MARCHF1: variants seen among roughly 807,000 people sequenced by gnomAD.
MARCHF1 encodes E3 ubiquitin-protein ligase MARCHF1.
A neutral mutation model predicts 54.2 loss-of-function variants in MARCHF1; 40 were observed. The ratio of observed to expected loss-of-function variants is 0.74; its 90% CI spans 0.57 to 0.96. MARCHF1 has a LOEUF of 0.96. MARCHF1 is among the 40% of genes least tolerant of loss of function. MARCHF1 has a pLI of 0.00. For missense variants in MARCHF1, 586 were observed against 656.5 expected (o/e 0.89, Z 1.17); for synonymous variants, 236 against 236.3 (o/e 1.00, Z 0.01).
intron 3 of MARCHF1, among the ~76,000 whole-genome samples, chr4:163,907,332 CT>C (rs1751092665): frequency 6.6e-6 from 1 of 151,848 alleles, no homozygotes; most frequent in Non-Finnish European, 1.5e-5. Context: ...GTAATTTTGT[CT>C]TGTTTGTTTT....
At chr4:163,732,559 C>A (rs865794066) in intron 4 of MARCHF1, among the ~76,000 whole-genome samples, 1 of 152,032 alleles carries the variant, frequency 6.6e-6, no homozygotes, top group South Asian at 2.1e-4. Context: ...TATACCAAGG[C>A]ATATCATAAT....
rs139077814 is a variant in MARCHF1, at chr4:164,060,316, G to A, written c.-248+51272C>T. Among the ~76,000 whole-genome samples the A allele has an allele frequency of 1.3e-3, 196 of 152,054 alleles. 4 individuals are homozygous for A. The East Asian group carries it at 0.023, about 18-fold the overall frequency. On this transcript the variant is annotated intron_variant, in intron 2 of 9. Transcript: ENST00000514618. ...GATTACATGTGTAATTATAATATAC[G>A]TAAGACATATGTACACAAACATGTA...
At chr4:163,960,354 A>G (rs982694830) in intron 3 of MARCHF1, among the ~76,000 whole-genome samples, 2 of 152,170 alleles carry the variant, frequency 1.3e-5, no homozygotes, top group African/African-American at 4.8e-5. Flanking sequence ...ACACATGAAG[A>G]CAAATGTTCA....
At chr4:164,021,850 A>G (rs1753672368) in intron 2 of MARCHF1, among the ~76,000 whole-genome samples, 1 of 107,782 alleles carries the variant, frequency 9.3e-6, no homozygotes, top group Non-Finnish European at 2.4e-5. Flanking sequence ...GTGAACCTCC[A>G]TGTCAAAAAA....
chr4:163,730,119 T>C (rs1384013440), intron 4 of MARCHF1, among the ~76,000 whole-genome samples: 1 of 152,132 alleles, frequency 6.6e-6, no homozygotes, highest in Non-Finnish European at 1.5e-5. Flanking sequence ...ATAATTTACA[T>C]TGTCTTATCT....
At chr4:163,790,459 C>T (rs1431890096) in intron 4 of MARCHF1, among the ~76,000 whole-genome samples, 1 of 152,042 alleles carries the variant, frequency 6.6e-6, no homozygotes, top group African/African-American at 2.4e-5. Flanking sequence ...CATAGGGTCT[C>T]AGAAGGCAGA....
chr4:163,819,183 A>G (rs1288262830), intron 4 of MARCHF1, among the ~76,000 whole-genome samples: 18 of 152,182 alleles, frequency 1.2e-4, no homozygotes, highest in Non-Finnish European at 5.9e-5. Flanking sequence ...ACTCTATACC[A>G]TTTTAAAGAC....
intron 2 of MARCHF1, among the ~76,000 whole-genome samples, chr4:164,099,872 T>C (rs774758748): frequency 5.3e-5 from 8 of 152,154 alleles, no homozygotes; most frequent in Non-Finnish European, 7.4e-5. Flanking sequence ...ATTATGGATG[T>C]GAAAAGTAGC....
intron 4 of MARCHF1, among the ~76,000 whole-genome samples, chr4:163,805,090 C>T (rs894047375): frequency 2.6e-5 from 4 of 151,960 alleles, no homozygotes; most frequent in African/African-American, 9.7e-5. Context: ...GATATATATA[C>T]ATATGTACCC....
chr4:164,220,920 T>C (rs1293147336), intron 1 of MARCHF1, among the ~76,000 whole-genome samples: 2 of 151,808 alleles, frequency 1.3e-5, no homozygotes, highest in East Asian at 3.9e-4. Flanking sequence ...TTGAATAATG[T>C]ATTTTACAGG....
chr4:164,039,299 A>T (rs1754075278), intron 2 of MARCHF1, among the ~76,000 whole-genome samples: 1 of 152,026 alleles, frequency 6.6e-6, no homozygotes, highest in Non-Finnish European at 1.5e-5. Flanking sequence ...CTCCTTATGG[A>T]ACTGCTTGCC....
In MARCHF1 at chr4:163,538,913, T is replaced by C. The variant is rs1738626251; in HGVS notation, c.1339+6683A>G. ...TGACACTGGTCTTGGTCATATGACC[T>C]GCTTTGGCCAATAGGACAATAGGAA... On this transcript the variant is annotated intron_variant, in intron 9 of 9. Transcript: ENST00000514618. Among the ~76,000 whole-genome samples the C allele has an allele frequency of 2.0e-5, 3 of 152,328 alleles. No homozygotes were observed. The South Asian group carries it at 6.2e-4, about 32-fold the overall frequency.
intron 4 of MARCHF1, among the ~76,000 whole-genome samples, chr4:163,764,423 T>C (rs763135210): frequency 2.0e-5 from 3 of 152,076 alleles, no homozygotes; most frequent in Non-Finnish European, 4.4e-5. Flanking sequence ...GTTGACATTA[T>C]CTAGCACAGA....
chr4:164,061,712 A>G (rs1236356181), intron 2 of MARCHF1, among the ~76,000 whole-genome samples: 1 of 152,098 alleles, frequency 6.6e-6, no homozygotes, highest in Non-Finnish European at 1.5e-5. Context: ...AAAAAACAAC[A>G]TAAACCAAAA....
intron 5 of MARCHF1, among the ~76,000 whole-genome samples, chr4:163,680,864 G>T (rs1273384559): frequency 4.6e-5 from 7 of 151,764 alleles, no homozygotes; most frequent in Non-Finnish European, 8.8e-5. Flanking sequence ...ATTTATTATT[G>T]CTTGAATGAC....
At chr4:163,827,943 G>A (rs966474299) in intron 4 of MARCHF1, among the ~76,000 whole-genome samples, 6 of 151,486 alleles carry the variant, frequency 4.0e-5, no homozygotes, top group African/African-American at 1.5e-4. Flanking sequence ...TGCATGTTAT[G>A]CACGCTGATT....
intron 3 of MARCHF1, among the ~76,000 whole-genome samples, chr4:163,916,436 G>A (rs1049885001): frequency 6.6e-6 from 1 of 152,114 alleles, no homozygotes; most frequent in East Asian, 1.9e-4. Context: ...GGAGACAGCA[G>A]GTGCACAGGT....
chr4:163,980,275 C>T (rs1321678690), intron 3 of MARCHF1, among the ~76,000 whole-genome samples: 15 of 133,886 alleles, frequency 1.1e-4, no homozygotes, highest in South Asian at 5.3e-4. Context: ...GAAAGGATTC[C>T]CTATTTAATA....
intron 1 of MARCHF1, among the ~76,000 whole-genome samples, chr4:164,346,198 GC>G (rs1464306067): frequency 6.6e-6 from 1 of 152,076 alleles, no homozygotes; most frequent in Non-Finnish European, 1.5e-5. Flanking sequence ...AACAGATAAT[GC>G]CCTAGGTATA....
Sources: gnomAD v4.1 joint callset for allele counts (sites outside exome capture counted in the v4.1 genomes callset) on GRCh38, gnomAD v4.1.1 for gene constraint, MANE v1.5 for transcripts, NCBI Gene and HGNC (gene_info 2026-07-23, HGNC 2026-07-21) for gene names.